Variants in ENKUR observed in about 807,000 individuals in gnomAD.
ENKUR encodes the protein enkurin.
In ENKUR, 19 loss-of-function variants were observed where a neutral mutation model predicts 27.6. The observed-to-expected ratio is 0.69, with a 90% CI of 0.48 to 1.01. ENKUR has a LOEUF of 1.01. Among genes scored for constraint, ENKUR ranks in the 50% least tolerant of loss-of-function variants. The pLI, the probability that ENKUR is intolerant of heterozygous loss-of-function variation, is 0.00. For missense variants in ENKUR, 312 were observed against 310.5 expected (o/e 1.00, Z -0.04); for synonymous variants, 117 against 96.9 (o/e 1.21, Z -1.22).
intron 1 of ENKUR, among the ~76,000 whole-genome samples, chr10:25,014,120 C>T (rs189806016): frequency 1.3e-5 from 2 of 152,168 alleles, no homozygotes; most frequent in East Asian, 3.9e-4. Flanking sequence ...GCCTTTCATC[C>T]GATTTTGGTC....
chr10:25,013,255 T>C (rs766254570), intron 1 of ENKUR, among the ~76,000 whole-genome samples: 1 of 152,240 alleles, frequency 6.6e-6, no homozygotes, highest in African/African-American at 2.4e-5. Context: ...TAATATACTA[T>C]GTTCTATGAT....
intron 2 of ENKUR, among the ~76,000 whole-genome samples, chr10:25,032,989 A>G (rs1012050008): frequency 1.3e-5 from 2 of 152,288 alleles, no homozygotes; most frequent in East Asian, 1.9e-4. Flanking sequence ...ATTATTTGCA[A>G]TTAACAATCC....
chr10:25,023,825 T>A, intron 2 of ENKUR: 1 of 1,614,234 alleles, frequency 6.2e-7, no homozygotes, highest in Admixed American at 1.7e-5. Context: ...GATGCTCGTG[T>A]TTTCTGTGAA....
intron 2 of ENKUR, among the ~76,000 whole-genome samples, chr10:25,036,258 C>T (rs556018286): frequency 6.3e-4 from 96 of 152,220 alleles, no homozygotes; most frequent in African/African-American, 2.2e-3. Context: ...ATAAGTCTCA[C>T]GAGATCTGAT....
intron 2 of ENKUR, among the ~76,000 whole-genome samples, chr10:24,996,454 GTGTA>G (rs751084585): frequency 1.3e-5 from 2 of 149,506 alleles, no homozygotes; most frequent in African/African-American, 5.1e-5. Context: ...GTGTGTGTGT[GTGTA>G]TATATATATA....
intron 2 of ENKUR, among the ~76,000 whole-genome samples, chr10:25,046,967 G>A (rs1403273811): frequency 6.6e-6 from 1 of 152,126 alleles, no homozygotes; most frequent in Non-Finnish European, 1.5e-5. Flanking sequence ...GTGAGAATTT[G>A]TCATTTGCAA....
At chr10:25,047,740 C>T (rs1207522602) in intron 2 of ENKUR, among the ~76,000 whole-genome samples, 3 of 152,090 alleles carry the variant, frequency 2.0e-5, no homozygotes, top group Non-Finnish European at 4.4e-5. Context: ...GCGACTTTTC[C>T]CCTTTCTTCT....
Position 24,983,202 on chromosome 10 carries a change from A to G in ENKUR, c.*1168T>C, listed in dbSNP as rs991643039. On this transcript the variant is annotated 3_prime_UTR_variant, in exon 6 of 6. Transcript: ENST00000331161. ...TGTAAATGAAAAATGTATCTTTATC[A>G]GGAAACTGAGATTTGGAGTTAGTTT... is the stretch of plus-strand genomic sequence containing the variant. The G allele has an allele frequency of 2.6e-5, 4 of 152,124 alleles. No individual in the cohort carries two copies. The highest frequency in any genetic ancestry group is 9.7e-5 in the African/African-American group (4 of 41,426). 9.4% of individuals were successfully genotyped at this position (152,124 alleles called of 1,614,324 possible).
chr10:24,987,508 G>C (rs1323169995), intron 4 of ENKUR, among the ~76,000 whole-genome samples: 1 of 152,084 alleles, frequency 6.6e-6, no homozygotes, highest in Non-Finnish European at 1.5e-5. Context: ...AATCAGCCAG[G>C]CATGGTGGTA....
At chr10:25,038,469 CCTT>C (rs1331680080) in intron 2 of ENKUR, among the ~76,000 whole-genome samples, 3 of 152,204 alleles carry the variant, frequency 2.0e-5, no homozygotes, top group Admixed American at 6.5e-5. Flanking sequence ...CAGCAAGCAT[CCTT>C]CTTGTCTATA....
chr10:25,003,648 G>T (rs190365733), intron 1 of ENKUR, among the ~76,000 whole-genome samples: 18 of 152,296 alleles, frequency 1.2e-4, no homozygotes, highest in Admixed American at 3.9e-4. Context: ...TTATTACAAA[G>T]ATCTAGTGGT....
intron 1 of ENKUR, among the ~76,000 whole-genome samples, chr10:25,003,503 A>C (rs2132704187): frequency 6.6e-6 from 1 of 152,318 alleles, no homozygotes; most frequent in South Asian, 2.1e-4. Flanking sequence ...CACTGCGCCA[A>C]GCCTGTGTTT....
chr10:25,025,679 C>T (rs1378970534), intron 2 of ENKUR: 3 of 496,258 alleles, frequency 6.0e-6, no homozygotes, highest in South Asian at 6.8e-5. Flanking sequence ...GACCTTTGAG[C>T]TATCATACTT....
intron 2 of ENKUR, chr10:25,026,539 T>C (rs1182790420): frequency 3.6e-5 from 6 of 166,862 alleles, no homozygotes; most frequent in African/African-American, 1.4e-4. Context: ...TTCTGGCAGC[T>C]GAAACTGCAC....
At chr10:25,055,110 A>G (rs1370540053) in intron 2 of ENKUR, among the ~76,000 whole-genome samples, 1 of 152,142 alleles carries the variant, frequency 6.6e-6, no homozygotes, top group Non-Finnish European at 1.5e-5. Context: ...TTCTGTGGTC[A>G]TTCTGTTAAA....
rs191071529 is a variant in ENKUR at position 25,009,051 on chromosome 10, A to T, written c.77+6809T>A. On this transcript the variant is annotated intron_variant, in intron 1 of 5. Coordinates refer to ENST00000331161, the MANE Select transcript of ENKUR (RefSeq NM_145010.4). ...TGTTCTCACTCATAGGTGGGAATTG[A>T]ACAGTGAGAACACATGGACACAGGA... 8.7e-3 allele frequency among the ~76,000 whole-genome samples: 1,319 copies of T among 152,308 alleles called. 9 individuals carry two copies. The highest frequency in any genetic ancestry group is 0.031 in the Middle Eastern group (9 of 294).
At chr10:24,985,075 G>A (rs1588643988) in intron 4 of ENKUR, among the ~76,000 whole-genome samples, 170 bp from the exon 5 acceptor site, 1 of 152,176 alleles carries the variant, frequency 6.6e-6, no homozygotes, top group East Asian at 1.9e-4. Context: ...CAAAAATACT[G>A]TACAGAGGCC....
intron 2 of ENKUR, among the ~76,000 whole-genome samples, chr10:25,051,787 C>G (rs1851188967): frequency 6.6e-6 from 1 of 152,188 alleles, no homozygotes; most frequent in African/African-American, 2.4e-5. Flanking sequence ...AGAGAAGTCA[C>G]CAAGCCATGG....
intron 2 of ENKUR, among the ~76,000 whole-genome samples, chr10:24,998,204 A>T (rs776734004): frequency 2.0e-5 from 3 of 152,116 alleles, no homozygotes; most frequent in African/African-American, 7.2e-5. Context: ...CGGGCTTGAG[A>T]TGTTGCATTA....
Sources: allele counts gnomAD v4.1 joint callset (sites outside exome capture counted in the v4.1 genomes callset), GRCh38; gene constraint gnomAD v4.1.1; transcripts MANE v1.5; gene names NCBI Gene and HGNC (gene_info 2026-07-23, HGNC 2026-07-21).